The following CSMD1 variants were observed in gnomAD, a reference collection of about 807,000 sequenced individuals.
The protein encoded by CSMD1 is CUB and Sushi multiple domains 1.
Under a neutral mutation model 417.5 loss-of-function variants are expected in CSMD1, and 213 were observed. The ratio of observed to expected loss-of-function variants is 0.51; its 90% confidence interval spans 0.46 to 0.57. The LOEUF is 0.57. Ranked by LOEUF, CSMD1 falls within the 20% of genes least tolerant of loss-of-function variation. CSMD1 has a pLI of 0.00. For missense variants in CSMD1, 6,923 were observed against 4,529.7 expected, an observed-to-expected ratio of 1.53 and a Z score of -15.17; for synonymous variants, 2,862 against 1,736.8, an observed-to-expected ratio of 1.65 and a Z score of -16.11.
At chr8:3,537,280 G>C (rs1798242993) in intron 10 of CSMD1, among the ~76,000 whole-genome samples, 1 of 152,208 alleles carries the variant, frequency 6.6e-6, no homozygotes, top group South Asian at 2.1e-4. Flanking sequence ...TGGGATTACA[G>C]GCATGAGCCA....
At chr8:4,151,565 G>A (rs963950133) in intron 3 of CSMD1, among the ~76,000 whole-genome samples, 2 of 151,986 alleles carry the variant, frequency 1.3e-5, no homozygotes, top group Non-Finnish European at 2.9e-5. Flanking sequence ...AATTAACATG[G>A]GGAATTAAAA....
chr8:4,537,080 C>G (rs754924102), intron 2 of CSMD1, among the ~76,000 whole-genome samples: 3 of 152,232 alleles, frequency 2.0e-5, no homozygotes, highest in East Asian at 3.9e-4. Flanking sequence ...ACAGAAAATT[C>G]TATCAAAATA....
intron 1 of CSMD1, among the ~76,000 whole-genome samples, chr8:4,980,952 C>G (rs763136400): frequency 1.3e-5 from 2 of 151,844 alleles, no homozygotes; most frequent in Admixed American, 1.3e-4. Flanking sequence ...GCAACATGGA[C>G]TAGTATGAGC....
At chr8:3,156,333 G>A (rs974546363) in intron 39 of CSMD1, among the ~76,000 whole-genome samples, 1 of 152,186 alleles carries the variant, frequency 6.6e-6, no homozygotes, top group African/African-American at 2.4e-5. Context: ...CTGTTATAAT[G>A]ATCCAGGCTC....
intron 1 of CSMD1, among the ~76,000 whole-genome samples, chr8:4,839,695 A>C (rs1165675726): frequency 6.6e-6 from 1 of 152,190 alleles, no homozygotes; most frequent in African/African-American, 2.4e-5. Flanking sequence ...ACTTCTCATG[A>C]ACTCAAAGAT....
chr8:3,635,060 T>G (rs971259208), intron 7 of CSMD1, among the ~76,000 whole-genome samples: 1 of 150,180 alleles, frequency 6.7e-6, no homozygotes, highest in African/African-American at 2.4e-5. Context: ...AAAAAAAAAA[T>G]GGGATGCCTA....
At chr8:3,823,488 C>G (rs1425169159) in intron 5 of CSMD1, among the ~76,000 whole-genome samples, 1 of 152,016 alleles carries the variant, frequency 6.6e-6, no homozygotes, top group African/African-American at 2.4e-5. Context: ...ATTTTTGAAC[C>G]ATTTAGCTTA....
At chr8:3,099,027 C>T (rs903922865) in intron 46 of CSMD1, among the ~76,000 whole-genome samples, 1 of 151,836 alleles carries the variant, frequency 6.6e-6, no homozygotes, top group African/African-American at 2.4e-5. Flanking sequence ...GCCGACACTC[C>T]CCCCAAACCC....
At chr8:4,361,717 A>G (rs1392779425) in intron 3 of CSMD1, among the ~76,000 whole-genome samples, 1 of 151,678 alleles carries the variant, frequency 6.6e-6, no homozygotes, top group South Asian at 2.1e-4. Flanking sequence ...ACACTTTGGG[A>G]GGCCGAAGTG....
At chr8:4,514,371 T>C (rs936172573) in intron 2 of CSMD1, among the ~76,000 whole-genome samples, 13 of 152,142 alleles carry the variant, frequency 8.5e-5, no homozygotes, top group Non-Finnish European at 1.5e-4. Flanking sequence ...GTAAAATACC[T>C]GAATTTTAGG....
chr8:4,587,049 T>C (rs1051404606), intron 2 of CSMD1, among the ~76,000 whole-genome samples: 2 of 152,182 alleles, frequency 1.3e-5, no homozygotes, highest in African/African-American at 4.8e-5. Flanking sequence ...AATGCTTTCA[T>C]CTCTTTTAAT....
chr8:4,679,528 C>G (rs1805905591), intron 1 of CSMD1, among the ~76,000 whole-genome samples: 1 of 152,034 alleles, frequency 6.6e-6, no homozygotes, highest in African/African-American at 2.4e-5. Context: ...TGGCATTGGC[C>G]CCAAAATGCC....
intron 10 of CSMD1, among the ~76,000 whole-genome samples, chr8:3,559,214 C>A (rs1159015111): frequency 6.6e-6 from 1 of 152,182 alleles, no homozygotes; most frequent in East Asian, 1.9e-4. Context: ...ATCAATATTT[C>A]AAATGTGCAA....
chr8:3,910,764 G>T (rs1448083014), intron 5 of CSMD1, among the ~76,000 whole-genome samples: 3 of 152,118 alleles, frequency 2.0e-5, no homozygotes, highest in Admixed American at 6.5e-5. Context: ...AGAGATTGTA[G>T]TGCCTTCTCT....
At chr8:4,449,877 C>T (rs1799032288) in intron 2 of CSMD1, among the ~76,000 whole-genome samples, 1 of 152,152 alleles carries the variant, frequency 6.6e-6, no homozygotes, top group Non-Finnish European at 1.5e-5. Context: ...CTTTACTTAG[C>T]AATCTCAACC....
intron 5 of CSMD1, among the ~76,000 whole-genome samples, chr8:3,991,750 G>C (rs149477559): frequency 7.9e-5 from 12 of 152,226 alleles, no homozygotes; most frequent in South Asian, 6.2e-4. Context: ...ATGAAATGTG[G>C]TCTCAACTTT....
At chr8:3,519,753 T>C (rs750537427) in intron 10 of CSMD1, among the ~76,000 whole-genome samples, 12 of 152,260 alleles carry the variant, frequency 7.9e-5, no homozygotes, top group African/African-American at 2.2e-4. Flanking sequence ...TGTGTAAAGA[T>C]AGAAAGTTGG....
At chr8:3,936,080 C>A (rs1338467689) in intron 5 of CSMD1, among the ~76,000 whole-genome samples, 1 of 151,042 alleles carries the variant, frequency 6.6e-6, no homozygotes, top group African/African-American at 2.4e-5. Flanking sequence ...AAAGCAGCCG[C>A]AAAATTTTCT....
intron 3 of CSMD1, among the ~76,000 whole-genome samples, chr8:4,387,400 T>G (rs1056405347): frequency 6.6e-6 from 1 of 151,920 alleles, no homozygotes; most frequent in African/African-American, 2.4e-5. Context: ...GGAAAATATT[T>G]TAAAAGAATT....
Sources: gnomAD v4.1 joint callset for allele counts (sites outside exome capture counted in the v4.1 genomes callset) on GRCh38, gnomAD v4.1.1 for gene constraint, MANE v1.5 for transcripts, NCBI Gene and HGNC (gene_info 2026-07-23, HGNC 2026-07-21) for gene names.